The following ITPR2 variants were observed in gnomAD, a reference collection of about 807,000 sequenced individuals.
The protein encoded by ITPR2 is inositol 1,4,5-trisphosphate-gated calcium channel ITPR2.
ITPR2 carries 207 observed loss-of-function variants against 317.1 expected under a neutral mutation model. The ratio of observed to expected loss-of-function variants is 0.65; its 90% CI spans 0.58 to 0.73. The LOEUF (loss-of-function observed/expected upper bound fraction) is 0.73. ITPR2 is among the 30% of genes least tolerant of loss of function. ITPR2 has a pLI of 0.00. For missense variants in ITPR2, 2,613 were observed against 3,284.0 expected (o/e 0.80, Z 4.99); for synonymous variants, 1,156 against 1,149.1 (o/e 1.01, Z -0.12).
rs373009015 is a variant in ITPR2 at position 26,427,951 on chromosome 12, C to G, written c.6907G>C (p.Gly2303Arg). Residue 2303 changes from glycine to arginine, a missense_variant, in exon 49 of 57, where the codon GGT becomes CGT. Transcript: ENST00000381340. ...AGAAGTATTAATGTAGGCCCAAGACCTATTGTATATATTGATCTGAGCATT... is the reference window on the plus strand; with the variant it reads ...AGAAGTATTAATGTAGGCCCAAGACGTATTGTATATATTGATCTGAGCATT... ...SIMLRSIYTI[G>R]LGPTLILLGA... is the part of the protein sequence containing the mutation. 2 of 1,608,144 alleles carry G rather than the reference C, an allele frequency of 1.2e-6. No individual in the cohort carries two copies. Among genetic ancestry groups the G allele is most frequent in the Non-Finnish European group, 1.7e-6 (2 of 1,177,198 alleles).
chr12:26,578,424 T>C (rs1945323450), intron 34 of ITPR2, among the ~76,000 whole-genome samples: 1 of 152,286 alleles, frequency 6.6e-6, no homozygotes, highest in East Asian at 1.9e-4. Flanking sequence ...AATTCCATAA[T>C]GAAATCTGAG....
intron 3 of ITPR2, among the ~76,000 whole-genome samples, chr12:26,725,388 A>T (rs929825137): frequency 6.6e-6 from 1 of 152,178 alleles, no homozygotes; most frequent in East Asian, 1.9e-4. Context: ...GAGATTCTGA[A>T]TTGGTTTTCA....
At chr12:26,803,742 C>T (rs1421910549) in intron 1 of ITPR2, among the ~76,000 whole-genome samples, 5 of 152,106 alleles carry the variant, frequency 3.3e-5, no homozygotes, top group Admixed American at 2.0e-4. Flanking sequence ...TTTATGCCTC[C>T]TTCTTCAAAA....
At chr12:26,689,232 C>G (rs1948187532) in intron 10 of ITPR2, among the ~76,000 whole-genome samples, 1 of 152,070 alleles carries the variant, frequency 6.6e-6, no homozygotes, top group South Asian at 2.1e-4. Context: ...GCCTGGGCAA[C>G]ATGGCGAAAC....
intron 32 of ITPR2, among the ~76,000 whole-genome samples, chr12:26,582,608 T>A (rs1945430851): frequency 1.3e-5 from 2 of 152,226 alleles, no homozygotes; most frequent in African/African-American, 4.8e-5. Flanking sequence ...TTCTTGCTCA[T>A]CTTTTATGAT....
intron 54 of ITPR2, among the ~76,000 whole-genome samples, chr12:26,389,275 C>A (rs1169194757): frequency 6.6e-6 from 1 of 152,170 alleles, no homozygotes; most frequent in East Asian, 1.9e-4. Context: ...AGGTCAAAGT[C>A]CTTACAAGGA....
Position 26,602,369 on chromosome 12 carries a change from C to T in ITPR2, c.3678+1G>A. ...AAGAACAAAAAATAACCAGGACTAA[C>T]CTTTTCATAGGGTATCTGCAGAAGA... On this transcript the variant is annotated splice_donor_variant, in intron 28 of 56. Transcript: ENST00000381340. LOFTEE classifies it high-confidence loss of function. The T allele has an allele frequency of 1.2e-6, 2 of 1,610,032 alleles. No homozygotes were observed. Among genetic ancestry groups the T allele is most frequent in the Non-Finnish European group, 1.7e-6 (2 of 1,178,624 alleles).
intron 34 of ITPR2, among the ~76,000 whole-genome samples, chr12:26,571,961 T>C (rs1037603958): frequency 4.6e-5 from 7 of 152,270 alleles, no homozygotes; most frequent in Non-Finnish European, 1.0e-4. Context: ...TAAAATGTTA[T>C]ATAAATATGA....
At chr12:26,737,432 T>A (rs1431142256) in intron 2 of ITPR2, among the ~76,000 whole-genome samples, 1 of 152,088 alleles carries the variant, frequency 6.6e-6, no homozygotes, top group Non-Finnish European at 1.5e-5. Context: ...ATTTTTGTAT[T>A]TTTAGTAGAG....
At chr12:26,819,968 G>A (rs1261258858) in intron 1 of ITPR2, among the ~76,000 whole-genome samples, 3 of 152,142 alleles carry the variant, frequency 2.0e-5, no homozygotes, top group African/African-American at 7.2e-5. Flanking sequence ...CTACTCCAGA[G>A]GCTGAGGCAG....
chr12:26,457,125 T>C (rs1280264933), intron 45 of ITPR2, among the ~76,000 whole-genome samples: 1 of 152,186 alleles, frequency 6.6e-6, no homozygotes, highest in Non-Finnish European at 1.5e-5. Flanking sequence ...AAATATATCA[T>C]CTATCAAAAT....
intron 1 of ITPR2, among the ~76,000 whole-genome samples, chr12:26,820,778 T>C (rs1214481288): frequency 1.3e-5 from 2 of 152,226 alleles, no homozygotes; most frequent in East Asian, 3.8e-4. Context: ...ATGTCTACAA[T>C]GGAATAGTAT....
At chr12:26,714,095 A>G (rs186177240) in intron 8 of ITPR2, among the ~76,000 whole-genome samples, 55 of 152,340 alleles carry the variant, frequency 3.6e-4, no homozygotes, top group Admixed American at 2.7e-3. Context: ...GTACTATTTC[A>G]TCTCGATTCT....
At position 26,475,318 on chromosome 12, in the gene ITPR2, T is replaced by C; in HGVS notation, c.6320A>G (p.Asn2107Ser). The change falls in exon 45 of 57, where the codon AAT (asparagine) becomes AGT (serine). Residue 2107 changes from asparagine to serine, a missense_variant. Physicochemically the swap from Asn to Ser is conservative, Grantham distance 46. Coordinates refer to ENST00000381340, the MANE Select transcript of ITPR2 (RefSeq NM_002223.4). The stretch of plus-strand genomic sequence containing the variant: ...CACCTGATGGGCCAGAATATAGATA[T>C]TGTGTCCAACATCTTTTGGAGAAAC... The part of the protein sequence containing the change: ...DGVSPKDVGH[N>S]IYILAHQLAR... 1 of 1,614,094 alleles carries C rather than the reference T, an allele frequency of 6.2e-7. No individual in the cohort carries two copies. Among genetic ancestry groups the C allele is most frequent in the Non-Finnish European group, 8.5e-7 (1 of 1,179,988 alleles).
At chr12:26,819,765 T>TAA (rs11448752) in intron 1 of ITPR2, among the ~76,000 whole-genome samples, 28 of 147,144 alleles carry the variant, frequency 1.9e-4, no homozygotes, top group East Asian at 9.9e-4. Context: ...TGCAAATCAT[T>TAA]AAAAAAAAAA....
At chr12:26,659,339 G>C (rs1947444902) in intron 15 of ITPR2, 54 bp from the exon 16 acceptor site, 6 of 1,429,596 alleles carry the variant, frequency 4.2e-6, no homozygotes, top group East Asian at 4.6e-5. Context: ...ACAAATAACA[G>C]GTTCTATTAG....
At chr12:26,511,657 A>G (rs1943349878) in intron 37 of ITPR2, among the ~76,000 whole-genome samples, 1 of 152,218 alleles carries the variant, frequency 6.6e-6, no homozygotes, top group Non-Finnish European at 1.5e-5. Context: ...TCACCTAAAA[A>G]GTCATACTAT....
chr12:26,623,582 C>T (rs1946551991), intron 24 of ITPR2, among the ~76,000 whole-genome samples: 1 of 152,126 alleles, frequency 6.6e-6, no homozygotes, highest in Non-Finnish European at 1.5e-5. Flanking sequence ...GGGTTTGGTA[C>T]TAGCTGTGGT....
chr12:26,753,242 G>T (rs1416432759), intron 2 of ITPR2, among the ~76,000 whole-genome samples: 1 of 152,150 alleles, frequency 6.6e-6, no homozygotes, highest in Non-Finnish European at 1.5e-5. Flanking sequence ...GGGGTTAAAG[G>T]CCTCTCTCAG....
Sources: gnomAD v4.1 joint callset for allele counts (sites outside exome capture counted in the v4.1 genomes callset) on GRCh38, gnomAD v4.1.1 for gene constraint, MANE v1.5 for transcripts, NCBI Gene and HGNC (gene_info 2026-07-23, HGNC 2026-07-21) for gene names.